DLGAP1: variants seen among roughly 807,000 people sequenced by gnomAD.
DLGAP1 encodes DLG associated protein 1.
Under a neutral mutation model 90.8 loss-of-function variants are expected in DLGAP1, and 11 were observed. That is an observed-to-expected ratio of 0.12 (90% CI 0.08 to 0.20). The LOEUF is 0.20. DLGAP1 is among the 10% of genes least tolerant of loss of function. The pLI, the probability that DLGAP1 is intolerant of heterozygous loss-of-function variation, is 1.00. For missense variants in DLGAP1, 1,050 were observed against 1,333.8 expected (o/e 0.79, Z 3.31); for synonymous variants, 558 against 540.7 (o/e 1.03, Z -0.44).
chr18:3,673,952 C>G (rs2146786441), intron 7 of DLGAP1, among the ~76,000 whole-genome samples: 1 of 152,104 alleles, frequency 6.6e-6, no homozygotes, highest in Admixed American at 6.5e-5. Context: ...AAGCGATTCT[C>G]CTGCCTCAGC....
At chr18:4,321,672 C>T (rs556123382) in intron 1 of DLGAP1, among the ~76,000 whole-genome samples, 8 of 152,180 alleles carry the variant, frequency 5.3e-5, no homozygotes, top group South Asian at 4.1e-4. Flanking sequence ...TAAACCAATT[C>T]GGTTAAATAA....
intron 7 of DLGAP1, among the ~76,000 whole-genome samples, chr18:3,707,280 C>T (rs2061464027): frequency 6.6e-6 from 1 of 152,132 alleles, no homozygotes; most frequent in South Asian, 2.1e-4. Context: ...AACTACTTCT[C>T]ATGCTTTTGA....
rs151281481 is a variant in DLGAP1, at chr18:3,872,115, T to G, written c.957+6997A>C. 8.0e-3 allele frequency among the ~76,000 whole-genome samples: 1,223 copies of G among 151,946 alleles called. 5 individuals are homozygous for G. The highest frequency in any genetic ancestry group is 0.011 in the Non-Finnish European group (716 of 67,966). On this transcript the variant is annotated intron_variant, in intron 4 of 12. Transcript: ENST00000315677. ...AAAAAAAGCAGGCATATTGCTAGACTTTAGCAAATGAAACAAAAAGTTTTT... is the reference window on the plus strand; with the variant it reads ...AAAAAAAGCAGGCATATTGCTAGACGTTAGCAAATGAAACAAAAAGTTTTT...
At chr18:4,130,661 A>G (rs888945312) in intron 2 of DLGAP1, among the ~76,000 whole-genome samples, 1 of 152,164 alleles carries the variant, frequency 6.6e-6, no homozygotes, top group Non-Finnish European at 1.5e-5. Context: ...ACACCCTCCC[A>G]TCGCACACAC....
intron 5 of DLGAP1, among the ~76,000 whole-genome samples, chr18:3,789,420 G>A (rs1568136807): frequency 6.6e-6 from 1 of 152,222 alleles, no homozygotes; most frequent in Non-Finnish European, 1.5e-5. Context: ...TCAGACGGAA[G>A]GCCGGGGCCG....
intron 5 of DLGAP1, among the ~76,000 whole-genome samples, chr18:3,813,785 TC>T (rs2066956715): frequency 6.6e-6 from 1 of 152,110 alleles, no homozygotes; most frequent in Non-Finnish European, 1.5e-5. Context: ...CATTCTGGAT[TC>T]TTTTAAATCC....
chr18:4,024,237 CA>C (rs2074662850), intron 2 of DLGAP1, among the ~76,000 whole-genome samples: 2 of 152,134 alleles, frequency 1.3e-5, no homozygotes, highest in African/African-American at 4.8e-5. Context: ...TTGTCAAAGA[CA>C]AAGTATTAGC....
At chr18:3,753,828 G>A (rs2063599521) in intron 5 of DLGAP1, among the ~76,000 whole-genome samples, 1 of 152,186 alleles carries the variant, frequency 6.6e-6, no homozygotes, top group Admixed American at 6.5e-5. Flanking sequence ...ACTAAACTAT[G>A]CTAATTTCAC....
chr18:3,685,696 C>T (rs1159111945), intron 7 of DLGAP1, among the ~76,000 whole-genome samples: 1 of 151,950 alleles, frequency 6.6e-6, no homozygotes, highest in Non-Finnish European at 1.5e-5. Context: ...AATCCTCCTG[C>T]ATTGGCTCCC....
At chr18:4,200,885 AT>A (rs1326597161) in intron 1 of DLGAP1, among the ~76,000 whole-genome samples, 1 of 152,108 alleles carries the variant, frequency 6.6e-6, no homozygotes, top group African/African-American at 2.4e-5. Flanking sequence ...GACATAAAGG[AT>A]TTATTTCAGA....
intron 1 of DLGAP1, among the ~76,000 whole-genome samples, chr18:4,445,003 C>A (rs1054663356): frequency 4.6e-5 from 7 of 152,206 alleles, no homozygotes; most frequent in African/African-American, 1.4e-4. Flanking sequence ...ATCTGGAACA[C>A]AGAAGCAACT....
At chr18:4,219,361 TTAAA>T (rs1423094967) in intron 1 of DLGAP1, among the ~76,000 whole-genome samples, 3 of 152,094 alleles carry the variant, frequency 2.0e-5, no homozygotes, top group Admixed American at 1.3e-4. Context: ...TTTGAGTTCC[TTAAA>T]TATTTTGAAT....
intron 2 of DLGAP1, among the ~76,000 whole-genome samples, chr18:4,103,118 G>GT (rs1012930213): frequency 1.3e-5 from 2 of 152,138 alleles, no homozygotes; most frequent in Admixed American, 6.5e-5. Context: ...ATATTCTGTA[G>GT]TTTTTTTCCC....
intron 5 of DLGAP1, among the ~76,000 whole-genome samples, chr18:3,797,062 G>A (rs1445320617): frequency 6.6e-6 from 1 of 152,128 alleles, no homozygotes; most frequent in Non-Finnish European, 1.5e-5. Context: ...GGCCAGGCAC[G>A]GTGGCTCCTG....
At chr18:4,408,659 A>G (rs536820688) in intron 1 of DLGAP1, among the ~76,000 whole-genome samples, 12 of 152,318 alleles carry the variant, frequency 7.9e-5, no homozygotes, top group South Asian at 2.1e-4. Flanking sequence ...AACAAAATGT[A>G]CAAAATTAAT....
At chr18:4,106,404 T>A (rs1035353769) in intron 2 of DLGAP1, among the ~76,000 whole-genome samples, 5 of 152,178 alleles carry the variant, frequency 3.3e-5, no homozygotes, top group Non-Finnish European at 7.3e-5. Flanking sequence ...CCTGCATGCA[T>A]CACCTTTCCA....
intron 3 of DLGAP1, among the ~76,000 whole-genome samples, chr18:3,976,499 T>C (rs1413187775): frequency 6.6e-6 from 1 of 152,208 alleles, no homozygotes; most frequent in East Asian, 1.9e-4. Context: ...ACTGCTATGT[T>C]TTCTTCTGGT....
At position 3,781,417 on chromosome 18, in the gene DLGAP1, T is replaced by A. The variant is rs148194674; in HGVS notation, c.1172+32642A>T. ...CCCAGGCTGGAGGGCAGTGGTGCGA[T>A]CTTGGCTCACTGCAACCTCCGCCTT... On this transcript the variant is annotated intron_variant, in intron 5 of 12. Coordinates refer to ENST00000315677, the MANE Select transcript of DLGAP1 (RefSeq NM_004746.4). 3.6e-3 allele frequency among the ~76,000 whole-genome samples: 539 copies of A among 151,790 alleles called. 4 individuals are homozygous for A. The highest frequency in any genetic ancestry group is 0.012 in the African/African-American group (493 of 41,378).
intron 5 of DLGAP1, among the ~76,000 whole-genome samples, chr18:3,762,275 A>C (rs188998603): frequency 1.8e-3 from 279 of 152,374 alleles, no homozygotes; most frequent in African/African-American, 6.3e-3. Flanking sequence ...TGTTGACAAC[A>C]GTATCAGTTT....
Sources: allele counts gnomAD v4.1 joint callset (sites outside exome capture counted in the v4.1 genomes callset), GRCh38; gene constraint gnomAD v4.1.1; transcripts MANE v1.5; gene names NCBI Gene and HGNC (gene_info 2026-07-23, HGNC 2026-07-21).